RPL26L1: variants seen among roughly 807,000 people sequenced by gnomAD.
The protein encoded by RPL26L1 is ribosomal protein L26 like 1.
RPL26L1 carries 8 observed loss-of-function variants against 15.2 expected under a neutral mutation model. The observed-to-expected ratio is 0.53, with a 90% CI of 0.31 to 0.95. RPL26L1 has a LOEUF of 0.95. Among genes scored for constraint, RPL26L1 ranks in the 40% least tolerant of loss-of-function variants. The pLI is 0.05. For missense variants in RPL26L1, 146 were observed against 190.9 expected (o/e 0.76, Z 1.39); for synonymous variants, 51 against 65.9 (o/e 0.77, Z 1.09).
upstream of RPL26L1, chr5:172,959,405 T>C: frequency 9.9e-7 from 1 of 1,005,582 alleles, no homozygotes; most frequent in Non-Finnish European, 1.2e-6. Context: ...CTTTCTGCGC[T>C]TGCGCGGCAC....
upstream of RPL26L1, chr5:172,957,277 A>C (rs1435531361): frequency 2.2e-6 from 1 of 456,258 alleles, no homozygotes; most frequent in Non-Finnish European, 4.4e-6. Flanking sequence ...GTCATCCAGG[A>C]TATCATTGTG....
At position 172,959,930 on chromosome 5, in the gene RPL26L1, C is replaced by G. The variant is rs1428516199; in HGVS notation, c.57C>G (p.Phe19Leu). 4.3e-6 allele frequency: 7 copies of G among 1,614,110 alleles called. No individual in the cohort carries two copies. Among genetic ancestry groups the G allele is most frequent in the Non-Finnish European group, 5.9e-6 (7 of 1,180,054 alleles). ...SDRSKNRKRH[F>L]NAPSHVRRKI... is the part of the protein sequence containing the mutation. ...GCAGTAAAAACCGCAAACGTCACTT[C>G]AATGCCCCCTCACACGTGCGCAGGA... is the stretch of plus-strand genomic sequence containing the variant. The change falls in exon 2 of 4, where the codon TTC becomes TTG. Residue 19 changes from phenylalanine (F) to leucine (L), a missense_variant. Physicochemically the swap from Phe to Leu is conservative, Grantham distance 22. Transcript: ENST00000265100.
At chr5:172,960,567 G>A (rs1188831178) in intron 2 of RPL26L1, among the ~76,000 whole-genome samples, 1 of 150,500 alleles carries the variant, frequency 6.6e-6, no homozygotes, top group African/African-American at 2.4e-5. Flanking sequence ...ACAGAGATTT[G>A]TGGGAGCTGG....
upstream of RPL26L1, chr5:172,957,991 G>A (rs1755032560): frequency 4.5e-6 from 1 of 220,992 alleles, no homozygotes. Context: ...TAGGCCAGGC[G>A]CAGTGGCTCA....
intron 1 of RPL26L1, 169 bp from the exon 2 acceptor site, chr5:172,959,696 T>C (rs949469690): frequency 1.2e-5 from 13 of 1,082,140 alleles, no homozygotes; most frequent in South Asian, 1.5e-5. Flanking sequence ...CGCCTCACTT[T>C]ATGTGATAGT....
Position 172,964,492 on chromosome 5 carries a change from G to T in RPL26L1, c.169-3967G>T, listed in dbSNP as rs143126262. Among the ~76,000 whole-genome samples, 208 of 150,606 alleles carry T rather than the reference G, an allele frequency of 1.4e-3. 2 individuals carry two copies. The highest frequency in any genetic ancestry group is 0.01 in the Middle Eastern group (3 of 288). ...ATAGAGACGGGGTTTTACCATGTTG[G>T]TCAGTCTGGTCTCGAACTCCTGACC... On this transcript the variant is annotated intron_variant, in intron 2 of 3. Coordinates refer to ENST00000265100, the MANE Select transcript of RPL26L1 (RefSeq NM_016093.4).
upstream of RPL26L1, among the ~76,000 whole-genome samples, chr5:172,954,346 T>C (rs992880745): frequency 2.0e-5 from 3 of 151,986 alleles, no homozygotes; most frequent in African/African-American, 7.2e-5. Context: ...GGTGAGAGGA[T>C]TGCTTGAGCC....
upstream of RPL26L1, chr5:172,954,869 A>G (rs764188988): frequency 8.8e-6 from 4 of 452,208 alleles, no homozygotes; most frequent in African/African-American, 6.0e-5. Flanking sequence ...GTGGTTTCAT[A>G]TAAGAGGATT....
At chr5:172,957,811 T>G (rs922357727), upstream of RPL26L1, 12 of 165,694 alleles carry the variant, frequency 7.2e-5, no homozygotes, top group African/African-American at 2.6e-4. Context: ...CTCCTTATTC[T>G]TGGAGCCTGG....
chr5:172,967,550 C>T (rs1445337638), intron 2 of RPL26L1, among the ~76,000 whole-genome samples: 1 of 152,016 alleles, frequency 6.6e-6, no homozygotes, highest in Non-Finnish European at 1.5e-5. Context: ...ATTTTTAGTA[C>T]AGTAAAACAG....
upstream of RPL26L1, chr5:172,958,517 C>A (rs1376261917): frequency 1.1e-5 from 5 of 436,340 alleles, no homozygotes; most frequent in Non-Finnish European, 1.9e-5. Context: ...ATAGAATAAA[C>A]CCCGTCGGTT....
At chr5:172,968,803 C>CTTTTTTTTTTTTT (rs539398008) in intron 3 of RPL26L1, among the ~76,000 whole-genome samples, 3 of 74,366 alleles carry the variant, frequency 4.0e-5, no homozygotes, top group African/African-American at 1.1e-4. Flanking sequence ...ATGGCTGTGT[C>CTTTTTTTTTTTTT]TTTTTTTTTT....
In RPL26L1 at chr5:172,959,483, G is replaced by T; in HGVS notation, c.-10+15G>T. On this transcript the variant is annotated intron_variant, in intron 1 of 3. Transcript: ENST00000265100. ...CTAGTAGCCGGGTGAGTGGAGGCTG[G>T]AGTTTTCTCGGACAGTGAACTCTAC... is the stretch of plus-strand genomic sequence containing the variant. The T allele has an allele frequency of 2.9e-6, 3 of 1,025,088 alleles. No homozygotes were observed. Among genetic ancestry groups the T allele is most frequent in the Non-Finnish European group, 3.5e-6 (3 of 850,384 alleles). The allele number at this position is 1,025,088 out of a possible 1,614,324, so 63.5% of individuals were successfully genotyped here. A position where few individuals can be genotyped will look rare whatever the true frequency, so the allele number is the denominator to read the frequency against.
chr5:172,960,097 G>A lies in RPL26L1; in HGVS notation c.168+56G>A, dbSNP rs1581604579. 36 of 1,598,180 alleles carry A rather than the reference G, an allele frequency of 2.3e-5. No homozygotes were observed. In the East Asian group the frequency reaches 7.8e-4, roughly 35 times the overall value. ...GGACACCGTTGCCTAAGAACGTCAT[G>A]CGTGGAGCAGTCACAGACTCACATG... On this transcript the variant is annotated intron_variant, in intron 2 of 3. Transcript: ENST00000265100.
At chr5:172,955,213 C>G (rs1016002351), upstream of RPL26L1, 101 of 333,946 alleles carry the variant, frequency 3.0e-4, no homozygotes, top group African/African-American at 2.3e-3. Flanking sequence ...ACTGCAACAT[C>G]TACCTCCCAG....
upstream of RPL26L1, chr5:172,954,728 G>A (rs1764317826): frequency 2.9e-6 from 1 of 343,964 alleles, no homozygotes; most frequent in South Asian, 2.3e-5. Context: ...TCTCTGTAAG[G>A]TAGAGCCTTA....
At chr5:172,965,121 G>A (rs1013240636) in intron 2 of RPL26L1, among the ~76,000 whole-genome samples, 7 of 152,180 alleles carry the variant, frequency 4.6e-5, no homozygotes, top group African/African-American at 1.7e-4. Context: ...AGAAGGCGGA[G>A]GTTGTGGTGA....
At chr5:172,959,572 T>C (rs1257300791) in intron 1 of RPL26L1, 104 bp downstream of exon 1, 4 of 1,193,776 alleles carry the variant, frequency 3.4e-6, no homozygotes, top group African/African-American at 1.6e-5. Context: ...TCTCTTTGAG[T>C]GACCTCCCGA....
At chr5:172,954,707 C>T (rs1014406585), upstream of RPL26L1, 6 of 298,388 alleles carry the variant, frequency 2.0e-5, no homozygotes, top group Non-Finnish European at 3.3e-5. Flanking sequence ...AGGGGAACAC[C>T]GATACAGGTT....
Sources: allele counts gnomAD v4.1 joint callset (sites outside exome capture counted in the v4.1 genomes callset), GRCh38; gene constraint gnomAD v4.1.1; transcripts MANE v1.5; gene names NCBI Gene and HGNC (gene_info 2026-07-23, HGNC 2026-07-21).